The following PHF14 variants were observed in gnomAD, a reference collection of about 807,000 sequenced individuals.
PHF14 encodes the protein PHD finger protein 14.
In PHF14, 55 loss-of-function variants were observed where a neutral mutation model predicts 117.9. The ratio of observed to expected loss-of-function variants is 0.47; its 90% CI spans 0.38 to 0.58. The LOEUF (loss-of-function observed/expected upper bound fraction) is 0.58. PHF14 is among the 20% of genes least tolerant of loss of function. The pLI is 0.00. For missense variants in PHF14, 978 were observed against 1,122.2 expected (o/e 0.87, Z 1.84); for synonymous variants, 409 against 368.6 (o/e 1.11, Z -1.26).
intron 14 of PHF14, among the ~76,000 whole-genome samples, chr7:11,059,023 A>G (rs1244225197): frequency 3.9e-5 from 6 of 152,172 alleles, no homozygotes; most frequent in African/African-American, 7.2e-5. Context: ...CCATTTGGTA[A>G]TAAATGTACT....
intron 17 of PHF14, among the ~76,000 whole-genome samples, chr7:11,164,551 T>C (rs1789145274): frequency 6.6e-6 from 1 of 152,230 alleles, no homozygotes; most frequent in Non-Finnish European, 1.5e-5. Context: ...TCTGTTCCCA[T>C]ACATTTTACT....
At position 10,983,003 on chromosome 7, in the gene PHF14, AGAC is replaced by A; in HGVS notation, c.747_749del (p.Asp249del). The A allele has an allele frequency of 6.3e-7, 1 of 1,582,966 alleles. No homozygotes were observed. The highest frequency in any genetic ancestry group is 2.3e-5 in the East Asian group (1 of 43,852). On this transcript the variant is annotated inframe_deletion, in exon 3 of 18. Transcript: ENST00000634607. ...AAGATGAGGGAAGCGGGAGTGATGA[AGAC>A]GAGAATGATGAAGGCAATGATGAAG...
intron 7 of PHF14, 82 bp downstream of exon 7, chr7:11,028,900 T>G (rs1476895747): frequency 8.6e-7 from 1 of 1,160,138 alleles, no homozygotes; most frequent in African/African-American, 1.6e-5. Flanking sequence ...GTGTAAATAA[T>G]AAAAGAAATT....
chr7:11,051,110 A>G (rs2190294), intron 13 of PHF14, among the ~76,000 whole-genome samples: 89,194 of 152,004 alleles, frequency 0.59, 28,093 homozygotes, highest in East Asian at 0.85. Flanking sequence ...TTGAGATCAT[A>G]GCTCACTGCA....
Position 10,990,926 on chromosome 7 carries a change from A to G in PHF14, c.1045+79A>G, listed in dbSNP as rs563883307. The G allele has an allele frequency of 2.7e-5, 26 of 956,398 alleles. 1 individual carries two copies. Among genetic ancestry groups the G allele is most frequent in the South Asian group, 2.4e-4 (13 of 53,564 alleles). 59.2% of individuals were successfully genotyped at this position (956,398 alleles called of 1,614,324 possible). The stretch of plus-strand genomic sequence containing the variant: ...ACATTTGTACTAAGGTGGTTCTACA[A>G]TATTTCATGGTGTTTCGGTTGAAAT... On this transcript the variant is annotated intron_variant, in intron 4 of 17. Coordinates refer to ENST00000634607, the MANE Select transcript of PHF14 (RefSeq NM_001007157.2).
Position 11,051,630 on chromosome 7 carries a change from C to T in PHF14, c.2331C>T (p.Asp777=). The T allele has an allele frequency of 6.2e-7, 1 of 1,612,206 alleles. No homozygotes were observed. The highest frequency in any genetic ancestry group is 8.5e-7 in the Non-Finnish European group (1 of 1,179,046). ...TATGTAGGCAGTGCTCGGAATGTGA[C>T]CAGGCAGGGAGCAGTGACATGGAAG... The part of the protein sequence containing the change: ...KNSYWQCSEC[D]QAGSSDMEAD... The change falls in exon 14 of 18, where the codon GAC becomes GAT. Residue 777 remains aspartate (D), a synonymous_variant. Coordinates refer to ENST00000634607, the MANE Select transcript of PHF14 (RefSeq NM_001007157.2).
At chr7:11,138,895 G>A (rs1306531493) in intron 17 of PHF14, among the ~76,000 whole-genome samples, 1 of 152,142 alleles carries the variant, frequency 6.6e-6, no homozygotes, top group Non-Finnish European at 1.5e-5. Context: ...AATACCAGCA[G>A]ATGGTTGTTA....
intron 2 of PHF14, among the ~76,000 whole-genome samples, chr7:10,981,038 A>ATT (rs1351626274): frequency 6.6e-6 from 1 of 152,156 alleles, no homozygotes; most frequent in African/African-American, 2.4e-5. Flanking sequence ...TATCTGTTAA[A>ATT]TGTTAGTGTT....
intron 17 of PHF14, among the ~76,000 whole-genome samples, chr7:11,144,242 G>C (rs1490035114): frequency 6.6e-6 from 1 of 151,890 alleles, no homozygotes; most frequent in Non-Finnish European, 1.5e-5. Context: ...CAAAGGAAAG[G>C]GAAATCTTGT....
At position 11,103,920 on chromosome 7, in the gene PHF14, T is replaced by C. The variant is rs140230936; in HGVS notation, c.2655-7430T>C. On this transcript the variant is annotated intron_variant, in intron 16 of 17. Coordinates refer to ENST00000634607, the MANE Select transcript of PHF14 (RefSeq NM_001007157.2). ...ATCTTTAGCAAAACTAGTAGACTTT[T>C]GTTTAAAAGAATAAGATAGGACTAG... The C allele has an allele frequency of 4.9e-5, 48 of 982,592 alleles. No individual in the cohort carries two copies. The East Asian group carries it at 4.9e-3, about 100-fold the overall frequency. The allele number at this position is 982,592 out of a possible 1,614,324, so 60.9% of individuals were successfully genotyped here. A position where few individuals can be genotyped will look rare whatever the true frequency, so the allele number is the denominator to read the frequency against.
intron 16 of PHF14, among the ~76,000 whole-genome samples, chr7:11,098,468 C>T (rs1786959899): frequency 1.3e-5 from 2 of 152,118 alleles, no homozygotes; most frequent in African/African-American, 4.8e-5. Context: ...CCTTGCCTCT[C>T]CTCATTTTTA....
At chr7:11,038,296 T>G (rs1784376723) in intron 10 of PHF14, among the ~76,000 whole-genome samples, 1 of 151,494 alleles carries the variant, frequency 6.6e-6, no homozygotes, top group Admixed American at 6.6e-5. Context: ...CTGGGCGTGG[T>G]GGAGGGTGCC....
chr7:11,102,505 A>C, intron 16 of PHF14: 1 of 1,609,252 alleles, frequency 6.2e-7, no homozygotes, highest in South Asian at 1.1e-5. Flanking sequence ...ATGAGACCCA[A>C]CTCTGCCACA....
chr7:11,105,282 A>G (rs1787221092), intron 16 of PHF14: 8 of 949,734 alleles, frequency 8.4e-6, no homozygotes, highest in Non-Finnish European at 1.0e-5. Context: ...CTGATTTTAT[A>G]TTTATGATGT....
chr7:11,119,947 G>A (rs139043840), intron 17 of PHF14, among the ~76,000 whole-genome samples: 398 of 151,970 alleles, frequency 2.6e-3, no homozygotes, highest in Non-Finnish European at 4.6e-3. Context: ...AACATAAAGT[G>A]CATTATGCCA....
At chr7:11,104,713 T>C (rs1479089257) in intron 16 of PHF14, 3 of 759,320 alleles carry the variant, frequency 4.0e-6, no homozygotes, top group Non-Finnish European at 4.8e-6. Flanking sequence ...CACAGGTGAC[T>C]ACCCTATTCC....
intron 16 of PHF14, chr7:11,107,732 A>T (rs1218468424): frequency 1.2e-6 from 1 of 805,886 alleles, no homozygotes; most frequent in East Asian, 1.3e-4. Context: ...AATAAAGTAT[A>T]TTGTGTTATA....
At chr7:11,072,855 CAT>C (rs1562451487) in intron 16 of PHF14, among the ~76,000 whole-genome samples, 1 of 152,186 alleles carries the variant, frequency 6.6e-6, no homozygotes, top group African/African-American at 2.4e-5. Context: ...CAGTATATCA[CAT>C]AGAGTGAACA....
intron 16 of PHF14, chr7:11,110,089 T>G (rs1787393218): frequency 6.6e-6 from 1 of 151,932 alleles, no homozygotes; most frequent in African/African-American, 2.4e-5. Context: ...AATATGAAAT[T>G]TCTACTAAAA....
Sources: gnomAD v4.1 joint callset for allele counts (sites outside exome capture counted in the v4.1 genomes callset) on GRCh38, gnomAD v4.1.1 for gene constraint, MANE v1.5 for transcripts, NCBI Gene and HGNC (gene_info 2026-07-23, HGNC 2026-07-21) for gene names.